HPSE2: variants seen among roughly 807,000 people sequenced by gnomAD.
HPSE2 encodes heparanase 2 (inactive).
HPSE2 carries 38 observed loss-of-function variants against 60.5 expected under a neutral mutation model. That is an observed-to-expected ratio of 0.63 (90% CI 0.48 to 0.82). HPSE2 has a LOEUF of 0.82. Ranked by LOEUF, HPSE2 falls within the 40% of genes least tolerant of loss-of-function variation. The pLI, the probability that HPSE2 is intolerant of heterozygous loss-of-function variation, is 0.00. For missense variants in HPSE2, 713 were observed against 740.4 expected, an observed-to-expected ratio of 0.96 and a Z score of 0.43; for synonymous variants, 295 against 293.2, an observed-to-expected ratio of 1.01 and a Z score of -0.06.
At chr10:98,543,602 C>T (rs1424532978) in intron 9 of HPSE2, among the ~76,000 whole-genome samples, 1 of 152,134 alleles carries the variant, frequency 6.6e-6, no homozygotes, top group Non-Finnish European at 1.5e-5. Context: ...TGCAGAGACA[C>T]ACATGGGCTC....
At chr10:98,889,096 AT>A (rs371455877) in intron 3 of HPSE2, among the ~76,000 whole-genome samples, 8 of 151,542 alleles carry the variant, frequency 5.3e-5, no homozygotes, top group Admixed American at 2.0e-4. Context: ...AACAACATAG[AT>A]TTTTTTTTCA....
intron 7 of HPSE2, among the ~76,000 whole-genome samples, chr10:98,640,906 C>T (rs1173864172): frequency 6.6e-6 from 1 of 152,140 alleles, no homozygotes; most frequent in Non-Finnish European, 1.5e-5. Context: ...GGGAGCCACT[C>T]CAGCCATATT....
chr10:98,779,622 T>C (rs1305305262), intron 3 of HPSE2, among the ~76,000 whole-genome samples: 4 of 152,170 alleles, frequency 2.6e-5, no homozygotes, highest in Non-Finnish European at 5.9e-5. Context: ...TGGTCATAAA[T>C]TTTTATTTTA....
At chr10:99,286,114 A>G in the HPSE2 span, among the ~76,000 whole-genome samples, 66 of 152,212 alleles carry the variant, frequency 4.3e-4, no homozygotes, top group African/African-American at 1.4e-3. Context: ...ATCCTCATAC[A>G]TAGCTAATGG....
chr10:99,149,143 T>C (rs1268447215), intron 2 of HPSE2, among the ~76,000 whole-genome samples: 1 of 152,104 alleles, frequency 6.6e-6, no homozygotes, highest in Admixed American at 6.6e-5. Context: ...TCTGTGGAAA[T>C]CTAAAAAGCC....
chr10:98,997,074 G>GTC (rs760060694), intron 3 of HPSE2, among the ~76,000 whole-genome samples: 5 of 147,688 alleles, frequency 3.4e-5, no homozygotes, highest in Non-Finnish European at 7.5e-5. Flanking sequence ...TTTATTTCCT[G>GTC]TCCCTAATGT....
chr10:98,906,775 G>A (rs964974709), intron 3 of HPSE2, among the ~76,000 whole-genome samples: 3 of 151,950 alleles, frequency 2.0e-5, no homozygotes, highest in African/African-American at 4.8e-5. Context: ...GTGGTGGCAC[G>A]CACCAGTAGT....
chr10:98,821,228 AT>A (rs1184418257), intron 3 of HPSE2, among the ~76,000 whole-genome samples: 2 of 152,180 alleles, frequency 1.3e-5, no homozygotes, highest in Non-Finnish European at 2.9e-5. Flanking sequence ...TGAGAAGTGC[AT>A]TGTTGGGTAA....
At chr10:98,954,690 G>T (rs1215692088) in intron 3 of HPSE2, among the ~76,000 whole-genome samples, 2 of 152,128 alleles carry the variant, frequency 1.3e-5, no homozygotes, top group East Asian at 3.9e-4. Context: ...TTACCCCATT[G>T]ATCACTTTAG....
At chr10:98,550,872 G>A (rs1043952067) in intron 9 of HPSE2, among the ~76,000 whole-genome samples, 1 of 152,128 alleles carries the variant, frequency 6.6e-6, no homozygotes, top group East Asian at 1.9e-4. Context: ...GCCTCCCAAA[G>A]TGCTGGGATT....
the HPSE2 span, among the ~76,000 whole-genome samples, chr10:99,251,551 C>T: frequency 6.6e-6 from 1 of 152,224 alleles, no homozygotes; most frequent in Non-Finnish European, 1.5e-5. Context: ...GACTACAGGA[C>T]AATATCCCTA....
intron 3 of HPSE2, among the ~76,000 whole-genome samples, chr10:98,799,108 A>C (rs540569194): frequency 6.6e-6 from 1 of 152,348 alleles, no homozygotes; most frequent in South Asian, 2.1e-4. Context: ...ATTCCATGCC[A>C]ATGAAAACCA....
Position 99,132,241 on chromosome 10 carries a change from G to GAAAGAAAGAA in HPSE2, c.610+11996_610+11997insTTCTTTCTTT, listed in dbSNP as rs58521993. On this transcript the variant is annotated intron_variant, in intron 3 of 11. Transcript: ENST00000370552. ...AGAGAGAGAGAGAGAGAGAGAGAGA[G>GAAAGAAAGAA]AGAAAGAAAGAAAGAAAGAAAGAAA... Among the ~76,000 whole-genome samples, 76 of 28,834 alleles carry GAAAGAAAGAA rather than the reference G, an allele frequency of 2.6e-3. 1 individual carries two copies. The highest frequency in any genetic ancestry group is 7.2e-3 in the African/African-American group (67 of 9,260). The allele number at this position is 28,834 out of a possible 152,430, so 18.9% of individuals were successfully genotyped here.
At chr10:98,529,333 T>C (rs1217299069) in intron 9 of HPSE2, among the ~76,000 whole-genome samples, 5 of 152,238 alleles carry the variant, frequency 3.3e-5, no homozygotes, top group East Asian at 1.9e-4. Context: ...TATTGATTGA[T>C]AGTGATCTCT....
At chr10:99,079,415 G>C (rs904241311) in intron 3 of HPSE2, among the ~76,000 whole-genome samples, 1 of 152,052 alleles carries the variant, frequency 6.6e-6, no homozygotes, top group Non-Finnish European at 1.5e-5. Context: ...ACTCTGAGCA[G>C]GCAAGACAGA....
At chr10:98,740,983 G>A (rs887488862) in intron 4 of HPSE2, among the ~76,000 whole-genome samples, 4 of 152,120 alleles carry the variant, frequency 2.6e-5, no homozygotes, top group African/African-American at 9.7e-5. Flanking sequence ...ACTATCAGTA[G>A]TTGTAAAATG....
intron 7 of HPSE2, among the ~76,000 whole-genome samples, chr10:98,630,407 CA>C (rs2134009335): frequency 6.6e-6 from 1 of 152,172 alleles, no homozygotes; most frequent in South Asian, 2.1e-4. Flanking sequence ...CCATGTTAGC[CA>C]AGATGGTCTC....
At chr10:98,460,339 AG>A (rs1463830773) in intron 11 of HPSE2, among the ~76,000 whole-genome samples, 1 of 151,326 alleles carries the variant, frequency 6.6e-6, no homozygotes, top group East Asian at 2.0e-4. Flanking sequence ...TTTAAGAATG[AG>A]TTTTGGCTGG....
intron 2 of HPSE2, among the ~76,000 whole-genome samples, chr10:99,223,542 A>C (rs1209683964): frequency 1.3e-5 from 2 of 152,164 alleles, no homozygotes; most frequent in African/African-American, 2.4e-5. Context: ...ATCTTTTCTA[A>C]ATATACAGCA....
Sources: allele counts gnomAD v4.1 joint callset (sites outside exome capture counted in the v4.1 genomes callset), GRCh38; gene constraint gnomAD v4.1.1; transcripts MANE v1.5; gene names NCBI Gene and HGNC (gene_info 2026-07-23, HGNC 2026-07-21).